ERBB4: variants seen among roughly 807,000 people sequenced by gnomAD.
ERBB4 encodes the protein receptor tyrosine-protein kinase erbB-4.
In ERBB4, 42 loss-of-function variants were observed where a neutral mutation model predicts 158.0. That is an observed-to-expected ratio of 0.27 (90% confidence interval 0.21 to 0.34). The LOEUF (loss-of-function observed/expected upper bound fraction) is 0.34. Among genes scored for constraint, ERBB4 ranks in the 10% least tolerant of loss-of-function variants. ERBB4 has a pLI of 1.00. For synonymous variants in ERBB4, 583 were observed against 558.7 expected (o/e 1.04, Z -0.61); for missense variants, 1,333 against 1,624.1 (o/e 0.82, Z 3.08).
intron 20 of ERBB4, among the ~76,000 whole-genome samples, chr2:211,474,958 AAG>A (rs1309518532): frequency 6.6e-6 from 1 of 152,034 alleles, no homozygotes; most frequent in African/African-American, 2.4e-5. Context: ...AAGACTGGGG[AAG>A]AGAGAAATGG....
rs191637679 is a variant in ERBB4 at position 212,144,982 on chromosome 2, C to T, written c.83-20079G>A. On this transcript the variant is annotated intron_variant, in intron 1 of 27. Coordinates refer to ENST00000342788, the MANE Select transcript of ERBB4 (RefSeq NM_005235.3). ...CAGTTGATATCTCACATTCGTAAAC[C>T]ACTTTGGGGGAACTAAAAAAAGCTT... Among the ~76,000 whole-genome samples, 317 of 152,140 alleles carry T rather than the reference C, an allele frequency of 2.1e-3. 2 individuals are homozygous for T. Among genetic ancestry groups the T allele is most frequent in the African/African-American group, 7.2e-3 (298 of 41,504 alleles).
At chr2:211,493,980 T>G (rs2065408591) in intron 20 of ERBB4, among the ~76,000 whole-genome samples, 1 of 152,146 alleles carries the variant, frequency 6.6e-6, no homozygotes, top group Non-Finnish European at 1.5e-5. Flanking sequence ...ATTTGCATGA[T>G]GTAAATACTC....
chr2:211,628,572 C>T (rs542905621), intron 17 of ERBB4, among the ~76,000 whole-genome samples: 3 of 152,264 alleles, frequency 2.0e-5, no homozygotes, highest in Admixed American at 6.5e-5. Context: ...TCTATCATTG[C>T]TGGACATTTG....
chr2:211,885,726 T>C (rs2078782219), intron 3 of ERBB4, among the ~76,000 whole-genome samples: 3 of 152,164 alleles, frequency 2.0e-5, no homozygotes. Flanking sequence ...TCCCAAATGC[T>C]GAGATTACAG....
intron 1 of ERBB4, among the ~76,000 whole-genome samples, chr2:212,421,001 A>G (rs1045813025): frequency 6.6e-6 from 1 of 152,148 alleles, no homozygotes; most frequent in African/African-American, 2.4e-5. Flanking sequence ...CTTGTTTTCT[A>G]GAAGTTATAA....
At chr2:211,817,851 T>A (rs2076911505) in intron 3 of ERBB4, among the ~76,000 whole-genome samples, 2 of 152,004 alleles carry the variant, frequency 1.3e-5, no homozygotes, top group African/African-American at 4.8e-5. Flanking sequence ...TTCAAGGGGA[T>A]GGAAAGAATT....
At chr2:211,539,551 A>C (rs2066743125) in intron 20 of ERBB4, among the ~76,000 whole-genome samples, 1 of 152,022 alleles carries the variant, frequency 6.6e-6, no homozygotes, top group South Asian at 2.1e-4. Context: ...TTTTAAAATA[A>C]ATACATAAAT....
intron 3 of ERBB4, among the ~76,000 whole-genome samples, chr2:211,888,743 C>T (rs1022534621): frequency 2.6e-5 from 4 of 152,068 alleles, no homozygotes; most frequent in Admixed American, 6.5e-5. Context: ...CTGGGAAGCG[C>T]GAGGGGTCAG....
chr2:212,055,227 C>T (rs149528858), intron 2 of ERBB4, among the ~76,000 whole-genome samples: 3,145 of 152,300 alleles, frequency 0.021, 48 homozygotes, highest in South Asian at 0.037. Context: ...GATCGATCTG[C>T]AAGGCAGCAG....
intron 1 of ERBB4, among the ~76,000 whole-genome samples, chr2:212,330,321 C>A (rs1450847928): frequency 1.3e-5 from 2 of 152,022 alleles, no homozygotes; most frequent in African/African-American, 2.4e-5. Flanking sequence ...ATTAAAACAA[C>A]CTGCAAGATT....
Position 212,191,543 on chromosome 2 carries a change from A to G in ERBB4, c.83-66640T>C, listed in dbSNP as rs1396518399. 9.0e-4 allele frequency among the ~76,000 whole-genome samples: 101 copies of G among 112,612 alleles called. 6 individuals carry two copies. Among genetic ancestry groups the G allele is most frequent in the African/African-American group, 1.7e-3 (48 of 28,100 alleles). 73.9% of individuals were successfully genotyped at this position (112,612 alleles called of 152,430 possible). Reference sequence around the variant, plus strand: ...ATGTTATACCTGTTATATATAACACATGTGTTATGCCTGTTATATATAACA... The same window carrying G: ...ATGTTATACCTGTTATATATAACACGTGTGTTATGCCTGTTATATATAACA... On this transcript the variant is annotated intron_variant, in intron 1 of 27. Coordinates refer to ENST00000342788, the MANE Select transcript of ERBB4 (RefSeq NM_005235.3).
At chr2:212,183,179 G>C (rs2081924336) in intron 1 of ERBB4, among the ~76,000 whole-genome samples, 1 of 151,836 alleles carries the variant, frequency 6.6e-6, no homozygotes, top group Admixed American at 6.6e-5. Context: ...CTATAAGATA[G>C]AGGTTGGTGA....
chr2:212,219,005 C>T (rs775597396), intron 1 of ERBB4, among the ~76,000 whole-genome samples: 3 of 151,060 alleles, frequency 2.0e-5, no homozygotes, highest in South Asian at 2.1e-4. Flanking sequence ...CACAATGATT[C>T]GTGTAGATTC....
chr2:212,051,737 C>A (rs539093942), intron 2 of ERBB4, among the ~76,000 whole-genome samples: 1 of 152,076 alleles, frequency 6.6e-6, no homozygotes, highest in African/African-American at 2.4e-5. Flanking sequence ...TTTTGATTTT[C>A]TTTCACTCAT....
intron 19 of ERBB4, among the ~76,000 whole-genome samples, chr2:211,602,430 C>G (rs544597477): frequency 3.0e-4 from 46 of 152,174 alleles, no homozygotes; most frequent in African/African-American, 1.1e-3. Flanking sequence ...AGCTGCTGAT[C>G]ACTTGTTCAC....
chr2:212,400,290 A>T (rs535769904), intron 1 of ERBB4, among the ~76,000 whole-genome samples: 5 of 152,166 alleles, frequency 3.3e-5, no homozygotes, highest in Non-Finnish European at 5.9e-5. Flanking sequence ...AGGCTACTGC[A>T]GTTATGCTGT....
intron 2 of ERBB4, among the ~76,000 whole-genome samples, chr2:212,110,914 T>C (rs2079384974): frequency 6.6e-6 from 1 of 152,202 alleles, no homozygotes; most frequent in Non-Finnish European, 1.5e-5. Context: ...CAAATAAAAG[T>C]TTACTGATAA....
At chr2:211,534,026 T>A (rs1465670718) in intron 20 of ERBB4, among the ~76,000 whole-genome samples, 1 of 152,124 alleles carries the variant, frequency 6.6e-6, no homozygotes, top group Non-Finnish European at 1.5e-5. Flanking sequence ...ACTAATTATA[T>A]ATCATTGCTA....
intron 3 of ERBB4, among the ~76,000 whole-genome samples, chr2:211,841,234 A>G (rs542413026): frequency 1.5e-4 from 23 of 152,212 alleles, no homozygotes; most frequent in African/African-American, 4.1e-4. Flanking sequence ...TTAGTTTCCA[A>G]TGTGCTATAT....
Sources: allele counts gnomAD v4.1 joint callset (sites outside exome capture counted in the v4.1 genomes callset), GRCh38; gene constraint gnomAD v4.1.1; transcripts MANE v1.5; gene names NCBI Gene and HGNC (gene_info 2026-07-23, HGNC 2026-07-21).